The following CEP128 variants were observed in gnomAD, a reference collection of about 807,000 sequenced individuals.
The protein encoded by CEP128 is centrosomal protein 128, also known as centrosomal protein 128kDa.
A neutral mutation model predicts 156.7 loss-of-function variants in CEP128; 132 were observed. That is an observed-to-expected ratio of 0.84 (90% CI 0.73 to 0.97). The LOEUF (loss-of-function observed/expected upper bound fraction) is 0.97, where lower values mean the gene tolerates loss of function less well. Ranked by LOEUF, CEP128 falls within the 50% of genes least tolerant of loss-of-function variation. CEP128 has a pLI of 0.00. For synonymous variants in CEP128, 469 were observed against 448.9 expected (o/e 1.04, Z -0.57); for missense variants, 1,252 against 1,281.9 (o/e 0.98, Z 0.36).
intron 23 of CEP128, among the ~76,000 whole-genome samples, chr14:80,523,559 T>G (rs1194467885): frequency 6.6e-6 from 1 of 152,210 alleles, no homozygotes; most frequent in Non-Finnish European, 1.5e-5. Context: ...AATAAATGTT[T>G]GATTAATGCT....
rs1267113954 is a variant in CEP128, at chr14:80,777,960, C to T, written c.2298G>A (p.Glu766=). 2 of 1,612,662 alleles carry T rather than the reference C, an allele frequency of 1.2e-6. No individual in the cohort carries two copies. Among genetic ancestry groups the T allele is most frequent in the Non-Finnish European group, 8.5e-7 (1 of 1,179,198 alleles). Residue 766 remains glutamate (E), a synonymous_variant, in exon 16 of 25, where the codon GAG becomes GAA. Transcript: ENST00000555265. Reference sequence around the variant, plus strand: ...TCTCATTTTCATTCTGGGTTAATTCCTCTGTCAGTCTGTCACACTGTGATT... The same window carrying T: ...TCTCATTTTCATTCTGGGTTAATTCTTCTGTCAGTCTGTCACACTGTGATT... ...KLKSQCDRLT[E]ELTQNENENK...
chr14:80,911,180 A>G (rs12885819), intron 4 of CEP128, among the ~76,000 whole-genome samples: 15,007 of 152,240 alleles, frequency 0.099, 1,234 homozygotes, highest in East Asian at 0.43. Flanking sequence ...TGGGTAATGC[A>G]AATAACAGAA....
At position 80,910,052 on chromosome 14, in the gene CEP128, A is replaced by G. The variant is rs187403479; in HGVS notation, c.235-3971T>C. ...TTGAGTCTACTAGGACTACCTCACCAGATACCAAATGATGATCCTATTTTC... is the reference window on the plus strand; with the variant it reads ...TTGAGTCTACTAGGACTACCTCACCGGATACCAAATGATGATCCTATTTTC... On this transcript the variant is annotated intron_variant, in intron 4 of 24. Coordinates refer to ENST00000555265, the MANE Select transcript of CEP128 (RefSeq NM_152446.5). 3.7e-3 allele frequency among the ~76,000 whole-genome samples: 556 copies of G among 152,320 alleles called. 2 individuals carry two copies. Among genetic ancestry groups the G allele is most frequent in the Non-Finnish European group, 5.8e-3 (392 of 68,028 alleles).
chr14:80,690,244 T>TAAAAA (rs552661665), intron 19 of CEP128, among the ~76,000 whole-genome samples: 6 of 116,426 alleles, frequency 5.2e-5, no homozygotes, highest in Non-Finnish European at 9.0e-5. Context: ...CTGTCTCTAT[T>TAAAAA]AAAAAAAAAA....
chr14:80,918,448 C>T (rs1884677904), intron 2 of CEP128, among the ~76,000 whole-genome samples: 1 of 152,158 alleles, frequency 6.6e-6, no homozygotes, highest in Non-Finnish European at 1.5e-5. Flanking sequence ...ATAAGACAAC[C>T]CAATTTAATT....
chr14:80,486,413 A>G (rs1020610263), downstream of CEP128, among the ~76,000 whole-genome samples: 8 of 152,034 alleles, frequency 5.3e-5, no homozygotes, highest in Non-Finnish European at 1.2e-4. Flanking sequence ...TGAAAGTGAC[A>G]GGGAGAATGG....
intron 21 of CEP128, among the ~76,000 whole-genome samples, chr14:80,554,752 T>C (rs10162521): frequency 0.57 from 86,268 of 151,796 alleles, 24,867 homozygotes; most frequent in East Asian, 0.72. Flanking sequence ...GTTGGTCAAA[T>C]AACAGACTTT....
intron 24 of CEP128, among the ~76,000 whole-genome samples, chr14:80,499,272 T>C (rs533440861): frequency 3.3e-5 from 5 of 152,268 alleles, no homozygotes; most frequent in African/African-American, 1.2e-4. Flanking sequence ...GAAGTGAAAA[T>C]AGTGTGCTAT....
At chr14:80,689,913 C>T (rs561967302) in intron 19 of CEP128, among the ~76,000 whole-genome samples, 2 of 151,970 alleles carry the variant, frequency 1.3e-5, no homozygotes, top group African/African-American at 4.8e-5. Context: ...CTTATGGAAA[C>T]AATATAATAA....
In CEP128 at chr14:80,598,774, T is replaced by C. The variant is rs571260885; in HGVS notation, c.2807-18351A>G. 1.4e-4 allele frequency among the ~76,000 whole-genome samples: 22 copies of C among 152,290 alleles called. 1 individual carries two copies. In the South Asian group the frequency reaches 4.4e-3, roughly 30 times the overall value. ...TGGTTTTGGTGGAGGGATATGCTCA[T>C]AGCTCAATAGAACAGAATAGAAAAG... is the stretch of plus-strand genomic sequence containing the variant. On this transcript the variant is annotated intron_variant, in intron 19 of 24. Transcript: ENST00000555265.
At chr14:80,825,951 C>G (rs1455288816) in intron 13 of CEP128, among the ~76,000 whole-genome samples, 1 of 151,646 alleles carries the variant, frequency 6.6e-6, no homozygotes, top group Non-Finnish European at 1.5e-5. Flanking sequence ...ACTAAAAATA[C>G]AAAAATTAGC....
At chr14:80,605,518 C>A (rs964632789) in intron 19 of CEP128, among the ~76,000 whole-genome samples, 1 of 152,038 alleles carries the variant, frequency 6.6e-6, no homozygotes, top group Non-Finnish European at 1.5e-5. Context: ...CAAATCCTCA[C>A]AATTACAGTA....
chr14:80,624,243 A>G (rs1893612844), intron 19 of CEP128, among the ~76,000 whole-genome samples: 2 of 152,112 alleles, frequency 1.3e-5, no homozygotes, highest in African/African-American at 4.8e-5. Flanking sequence ...TGTTGCCAGG[A>G]CTGGCAGGAT....
At chr14:80,737,536 C>T (rs2139566536) in intron 19 of CEP128, among the ~76,000 whole-genome samples, 1 of 150,658 alleles carries the variant, frequency 6.6e-6, no homozygotes, top group Admixed American at 6.6e-5. Flanking sequence ...TTTTAATTAT[C>T]TCTAATGATC....
At chr14:80,901,146 C>CAGT (rs1555361432) in intron 6 of CEP128, among the ~76,000 whole-genome samples, 1 of 151,548 alleles carries the variant, frequency 6.6e-6, no homozygotes, top group Non-Finnish European at 1.5e-5. Context: ...GCGGAGCTTG[C>CAGT]AGTGAGCCGA....
At chr14:80,908,418 A>G (rs1278019748) in intron 4 of CEP128, among the ~76,000 whole-genome samples, 3 of 151,968 alleles carry the variant, frequency 2.0e-5, no homozygotes, top group Non-Finnish European at 4.4e-5. Context: ...ATGCTGGTTT[A>G]TCTTTCAATT....
chr14:80,739,434 T>A (rs185641314), intron 19 of CEP128, among the ~76,000 whole-genome samples: 37 of 152,274 alleles, frequency 2.4e-4, no homozygotes, highest in African/African-American at 7.0e-4. Flanking sequence ...TTTGACCTCA[T>A]CCACCCGTAT....
intron 21 of CEP128, among the ~76,000 whole-genome samples, chr14:80,537,854 T>C (rs1889556832): frequency 6.6e-6 from 1 of 152,154 alleles, no homozygotes; most frequent in Non-Finnish European, 1.5e-5. Flanking sequence ...GCGGAATATA[T>C]GCTGCATTGG....
At chr14:80,506,586 C>T (rs1887987249) in intron 23 of CEP128, among the ~76,000 whole-genome samples, 1 of 151,774 alleles carries the variant, frequency 6.6e-6, no homozygotes, top group Non-Finnish European at 1.5e-5. Flanking sequence ...TTAGGTGGCC[C>T]AGAAAGATTT....
Sources: allele counts gnomAD v4.1 joint callset (sites outside exome capture counted in the v4.1 genomes callset), GRCh38; gene constraint gnomAD v4.1.1; transcripts MANE v1.5; gene names NCBI Gene and HGNC (gene_info 2026-07-23, HGNC 2026-07-21).